RBMS3: variants seen among roughly 807,000 people sequenced by gnomAD.
The protein encoded by RBMS3 is RNA binding motif single stranded interacting protein 3, also known as RNA-binding motif, single-stranded-interacting protein 3.
Under a neutral mutation model 66.8 loss-of-function variants are expected in RBMS3, and 27 were observed. The ratio of observed to expected loss-of-function variants is 0.40; its 90% CI spans 0.30 to 0.56. The LOEUF (loss-of-function observed/expected upper bound fraction) is 0.56, where lower values mean the gene tolerates loss of function less well. Ranked by LOEUF, RBMS3 falls within the 20% of genes least tolerant of loss-of-function variation. The probability of loss-of-function intolerance (pLI) is 0.40; values close to 1 mark genes in which losing one functional copy is unlikely to be tolerated. For synonymous variants in RBMS3, 188 were observed against 183.0 expected (o/e 1.03, Z -0.22); for missense variants, 513 against 549.5 (o/e 0.93, Z 0.66).
At position 29,580,687 on chromosome 3, in the gene RBMS3, TA is replaced by T. The variant is rs545243592; in HGVS notation, c.308-6425del. On this transcript the variant is annotated intron_variant, in intron 3 of 14. Coordinates refer to ENST00000383767, the MANE Select transcript of RBMS3 (RefSeq NM_001003793.3). The stretch of plus-strand genomic sequence containing the variant: ...ATGCTTAGTAAATTTAATAATATAA[TA>T]ATAATAATAATAATAATAATAAAAG... Among the ~76,000 whole-genome samples the T allele has an allele frequency of 4.9e-4, 48 of 98,942 alleles. 1 individual carries two copies. Among genetic ancestry groups the T allele is most frequent in the Non-Finnish European group, 2.4e-4 (12 of 50,130 alleles). 64.9% of individuals were successfully genotyped at this position (98,942 alleles called of 152,430 possible).
chr3:29,510,006 T>C (rs1338579683), intron 3 of RBMS3, among the ~76,000 whole-genome samples: 1 of 152,214 alleles, frequency 6.6e-6, no homozygotes, highest in Non-Finnish European at 1.5e-5. Flanking sequence ...ATGCATGTGA[T>C]TTTGGCTGTG....
chr3:29,871,651 T>C (rs2059494330), intron 7 of RBMS3, among the ~76,000 whole-genome samples: 1 of 152,124 alleles, frequency 6.6e-6, no homozygotes, highest in South Asian at 2.1e-4. Flanking sequence ...TGCTGTGGAA[T>C]TGAAGATAAT....
At chr3:29,964,569 C>CTAATCAG (rs1238054242) in intron 12 of RBMS3, among the ~76,000 whole-genome samples, 3 of 152,138 alleles carry the variant, frequency 2.0e-5, no homozygotes, top group Non-Finnish European at 1.5e-5. Flanking sequence ...TGGAGGCTAT[C>CTAATCAG]TAATCAGTTG....
rs1049367257 is a variant in RBMS3 at position 29,809,450 on chromosome 3, A to G, written c.637+46461A>G. ...ACCAGATTAGCATTTGCGCATGCAC[A>G]TGTATGTATATCTTTTTATTTTAGG... is the stretch of plus-strand genomic sequence containing the variant. On this transcript the variant is annotated intron_variant, in intron 6 of 14. Coordinates refer to ENST00000383767, the MANE Select transcript of RBMS3 (RefSeq NM_001003793.3). Among the ~76,000 whole-genome samples, 3 of 151,944 alleles carry G rather than the reference A, an allele frequency of 2.0e-5. No homozygotes were observed. The South Asian group carries it at 6.2e-4, about 31-fold the overall frequency.
At chr3:29,558,766 C>T (rs1220585752) in intron 3 of RBMS3, among the ~76,000 whole-genome samples, 1 of 152,146 alleles carries the variant, frequency 6.6e-6, no homozygotes, top group Non-Finnish European at 1.5e-5. Context: ...GGGCTCTACC[C>T]TGCAGTTTCT....
At chr3:29,433,415 T>C (rs1373365763) in intron 1 of RBMS3, among the ~76,000 whole-genome samples, 1 of 152,190 alleles carries the variant, frequency 6.6e-6, no homozygotes, top group Non-Finnish European at 1.5e-5. Flanking sequence ...TGAGAAAATC[T>C]GGGACAGTTA....
intron 1 of RBMS3, among the ~76,000 whole-genome samples, chr3:29,352,609 T>C (rs1291672608): frequency 2.0e-5 from 3 of 152,108 alleles, no homozygotes; most frequent in Admixed American, 6.6e-5. Context: ...TCAAGTTTTC[T>C]AGCTAGGTTG....
At chr3:29,977,368 T>TTTTGC (rs1356687443) in intron 12 of RBMS3, among the ~76,000 whole-genome samples, 3 of 152,148 alleles carry the variant, frequency 2.0e-5, no homozygotes, top group African/African-American at 2.4e-5. Flanking sequence ...GTTTGTTTTG[T>TTTTGC]TTTGCTTTAG....
rs111963909 is a variant in RBMS3, at chr3:29,353,412, A to G, written c.75+71656A>G. On this transcript the variant is annotated intron_variant, in intron 1 of 14. Coordinates refer to ENST00000383767, the MANE Select transcript of RBMS3 (RefSeq NM_001003793.3). ...CGAGCTCTGTGTGCCATTTTGCGTT[A>G]AAGGAGTATAGATTTATAGAAACAT... Among the ~76,000 whole-genome samples, 530 of 152,080 alleles carry G rather than the reference A, an allele frequency of 3.5e-3. 4 individuals carry two copies. The highest frequency in any genetic ancestry group is 0.012 in the African/African-American group (494 of 41,546).
intron 10 of RBMS3, among the ~76,000 whole-genome samples, chr3:29,907,790 A>G (rs184206144): frequency 6.6e-6 from 1 of 152,258 alleles, no homozygotes; most frequent in Admixed American, 6.6e-5. Context: ...TTTAAATAGC[A>G]TTAAAAAAAT....
chr3:29,833,292 A>G (rs777708830), intron 6 of RBMS3, among the ~76,000 whole-genome samples: 4 of 152,216 alleles, frequency 2.6e-5, no homozygotes, highest in African/African-American at 4.8e-5. Flanking sequence ...TCAAAGGAGT[A>G]CAATAATATT....
intron 4 of RBMS3, among the ~76,000 whole-genome samples, chr3:29,610,497 G>T (rs566422489): frequency 6.6e-6 from 1 of 151,810 alleles, no homozygotes; most frequent in Non-Finnish European, 1.5e-5. Flanking sequence ...TTCACTTATC[G>T]CCCCTTCTTT....
chr3:29,693,656 C>T (rs931382403), intron 4 of RBMS3, among the ~76,000 whole-genome samples: 26 of 151,990 alleles, frequency 1.7e-4, no homozygotes, highest in Non-Finnish European at 3.2e-4. Context: ...GCTTAACATA[C>T]TTTATTCATA....
chr3:29,716,191 A>C (rs1254196339), intron 4 of RBMS3, among the ~76,000 whole-genome samples: 1 of 152,128 alleles, frequency 6.6e-6, no homozygotes, highest in Admixed American at 6.6e-5. Context: ...TAAATTTGTA[A>C]TTCCTTTGAT....
intron 11 of RBMS3, among the ~76,000 whole-genome samples, chr3:29,939,852 A>C (rs1253743091): frequency 6.6e-6 from 1 of 151,834 alleles, no homozygotes; most frequent in Non-Finnish European, 1.5e-5. Context: ...TCATTTATCC[A>C]ACTACTTGCT....
At chr3:29,369,439 C>T (rs543844827) in intron 1 of RBMS3, among the ~76,000 whole-genome samples, 11 of 150,458 alleles carry the variant, frequency 7.3e-5, no homozygotes, top group African/African-American at 2.7e-4. Context: ...TTAAAGGAAA[C>T]TTCTTAAGCC....
intron 14 of RBMS3, among the ~76,000 whole-genome samples, chr3:29,994,417 T>G (rs1160046890): frequency 6.6e-6 from 1 of 151,816 alleles, no homozygotes; most frequent in Non-Finnish European, 1.5e-5. Context: ...TCCAACTGGG[T>G]GGAGCCCACC....
chr3:29,872,271 T>TA (rs2059509383), intron 7 of RBMS3, among the ~76,000 whole-genome samples: 1 of 152,138 alleles, frequency 6.6e-6, no homozygotes, highest in Non-Finnish European at 1.5e-5. Context: ...GTATATTTTA[T>TA]TAAAATATAT....
At chr3:29,865,106 GAGGAAGGAAGGA>G (rs545730115) in intron 6 of RBMS3, among the ~76,000 whole-genome samples, 1 of 127,088 alleles carries the variant, frequency 7.9e-6, no homozygotes, top group Admixed American at 7.6e-5. Context: ...GGGAGGGAGG[GAGGAAGGAAGGA>G]AGGAAGGAAG....
Sources: allele counts gnomAD v4.1 joint callset (sites outside exome capture counted in the v4.1 genomes callset), GRCh38; gene constraint gnomAD v4.1.1; transcripts MANE v1.5; gene names NCBI Gene and HGNC (gene_info 2026-07-23, HGNC 2026-07-21).